The following WDR45B variants were observed in gnomAD, a reference collection of about 807,000 sequenced individuals.
The protein encoded by WDR45B is WD repeat domain 45B, also known as WD repeat domain phosphoinositide-interacting protein 3.
A neutral mutation model predicts 44.6 loss-of-function variants in WDR45B; 20 were observed. That is an observed-to-expected ratio of 0.45 (90% CI 0.32 to 0.65). WDR45B has a LOEUF of 0.65. Among genes scored for constraint, WDR45B ranks in the 30% least tolerant of loss-of-function variants. The pLI is 0.05. For missense variants in WDR45B, 323 were observed against 430.2 expected, an observed-to-expected ratio of 0.75 and a Z score of 2.20; for synonymous variants, 169 against 164.9, an observed-to-expected ratio of 1.02 and a Z score of -0.19.
At chr17:82,629,666 C>T in intron 3 of WDR45B, 1 of 985,420 alleles carries the variant, frequency 1.0e-6, no homozygotes, top group Non-Finnish European at 1.2e-6. Flanking sequence ...CAGGCAGGGC[C>T]AGTCCTCACC....
chr17:82,648,259 G>T lies in WDR45B; in HGVS notation c.67+15C>A. 6.2e-7 allele frequency: 1 copy of T among 1,602,718 alleles called. No individual in the cohort carries two copies. Among genetic ancestry groups the T allele is most frequent in the Non-Finnish European group, 8.5e-7 (1 of 1,176,462 alleles). ...AGGCCCGGCCGGGCAAGGCGACAGGGCCGCGCCTCCTCACCGTGGTCCTGG... is the reference window on the plus strand; with the variant it reads ...AGGCCCGGCCGGGCAAGGCGACAGGTCCGCGCCTCCTCACCGTGGTCCTGG... On this transcript the variant is annotated intron_variant, in intron 1 of 9. Transcript: ENST00000392325.
intron 2 of WDR45B, among the ~76,000 whole-genome samples, chr17:82,640,344 G>C (rs1380709941): frequency 6.6e-6 from 1 of 150,424 alleles, no homozygotes; most frequent in African/African-American, 2.5e-5. Context: ...TCTTCACTGG[G>C]ATTTTTTTCT....
chr17:82,633,162 CAA>C (rs57003725), intron 2 of WDR45B, among the ~76,000 whole-genome samples: 30,646 of 116,220 alleles, frequency 0.26, 3,470 homozygotes, highest in Middle Eastern at 0.36. Context: ...GACTCCATCT[CAA>C]AAAAAAAAAA....
chr17:82,617,450 G>C, intron 7 of WDR45B, 53 bp from the exon 8 acceptor site: 1 of 1,571,010 alleles, frequency 6.4e-7, no homozygotes, highest in Non-Finnish European at 8.7e-7. Context: ...GAGGAGTCCA[G>C]AGACTTAACC....
Position 82,615,527 on chromosome 17 carries a change from CTCAG to C in WDR45B, c.*388_*391del. The C allele has an allele frequency of 3.4e-6, 1 of 295,574 alleles. No individual in the cohort carries two copies. Among genetic ancestry groups the C allele is most frequent in the Non-Finnish European group, 6.6e-6 (1 of 151,044 alleles). 18.3% of individuals were successfully genotyped at this position (295,574 alleles called of 1,614,324 possible). A position where few individuals can be genotyped will look rare whatever the true frequency, so the allele number is the denominator to read the frequency against. On this transcript the variant is annotated 3_prime_UTR_variant, in exon 10 of 10. Coordinates refer to ENST00000392325, the MANE Select transcript of WDR45B (RefSeq NM_019613.4). ...CACTTGTTCACTCCCCCGCTGCAGA[CTCAG>C]TAAGAACGACGGAATCTGCTGCAAA...
In WDR45B at chr17:82,617,392, T is replaced by G. The variant is rs779566978; in HGVS notation, c.710A>C (p.Asn237Thr). ...GATGAGGGACGCATCCTGATTGAAG[T>G]TGATGCTGCAGAGAAAACCAGCACA... Reference protein sequence around the residue: ...GSQAANIYCINFNQDASLICV... With the variant: ...GSQAANIYCITFNQDASLICV... Residue 237 changes from asparagine to threonine, a missense_variant, in exon 8 of 10, where the codon AAC becomes ACC. By Grantham distance (65) the Asn-to-Thr change is moderately conservative (BLOSUM62 0). Transcript: ENST00000392325. The G allele has an allele frequency of 1.2e-6, 2 of 1,614,010 alleles. No individual in the cohort carries two copies. Among genetic ancestry groups the G allele is most frequent in the African/African-American group, 2.7e-5 (2 of 74,920 alleles).
At chr17:82,634,616 T>A (rs537838216) in intron 2 of WDR45B, among the ~76,000 whole-genome samples, 1 of 151,988 alleles carries the variant, frequency 6.6e-6, no homozygotes, top group Non-Finnish European at 1.5e-5. Context: ...AGCAGCATCA[T>A]TCACAATAGC....
At chr17:82,635,138 A>T (rs1040673401) in intron 2 of WDR45B, among the ~76,000 whole-genome samples, 1 of 151,970 alleles carries the variant, frequency 6.6e-6, no homozygotes, top group African/African-American at 2.4e-5. Flanking sequence ...AATGGTTAAG[A>T]TGGTAAATTT....
rs368076335 is a variant in WDR45B, at chr17:82,625,400, T to C, written c.416A>G (p.Tyr139Cys). ...PHQLHVFETC[Y>C]NPKGLCVLCP... Reference sequence around the variant, plus strand: ...GCTCAATCTCTCACCTTTGGGGTTATAGCAGGTTTCGAAGACGTGCAACTG... The same window carrying C: ...GCTCAATCTCTCACCTTTGGGGTTACAGCAGGTTTCGAAGACGTGCAACTG... Residue 139 changes from tyrosine (Y) to cysteine (C), a missense_variant, in exon 5 of 10, where the codon TAT becomes TGT. Tyr to Cys is a radical substitution (Grantham distance 194, BLOSUM62 -2). Coordinates refer to ENST00000392325, the MANE Select transcript of WDR45B (RefSeq NM_019613.4). 1.1e-5 allele frequency: 18 copies of C among 1,614,022 alleles called. No individual in the cohort carries two copies. The highest frequency in any genetic ancestry group is 3.3e-5 in the Admixed American group (2 of 60,002).
intron 3 of WDR45B, 28 bp downstream of exon 3, chr17:82,630,893 A>G (rs776286881): frequency 5.6e-6 from 9 of 1,599,078 alleles, no homozygotes; most frequent in African/African-American, 1.3e-5. Flanking sequence ...CACGTGAGGC[A>G]TGATTCTTCA....
Position 82,615,754 on chromosome 17 carries a change from G to A in WDR45B, c.*165C>T, listed in dbSNP as rs1466570940. 3.0e-6 allele frequency: 2 copies of A among 675,014 alleles called. No individual in the cohort carries two copies. The highest frequency in any genetic ancestry group is 2.3e-5 in the Admixed American group (1 of 42,896). 41.8% of individuals were successfully genotyped at this position (675,014 alleles called of 1,614,324 possible). A position where few individuals can be genotyped will look rare whatever the true frequency, so the allele number is the denominator to read the frequency against. Reference sequence around the variant, plus strand: ...TGATGATGATTCTCTCTTTAATACTGGAAATGGGAGTCCTTAGGAAAGCAG... The same window carrying A: ...TGATGATGATTCTCTCTTTAATACTAGAAATGGGAGTCCTTAGGAAAGCAG... On this transcript the variant is annotated 3_prime_UTR_variant, in exon 10 of 10. Transcript: ENST00000392325.
intron 2 of WDR45B, among the ~76,000 whole-genome samples, chr17:82,639,014 G>A (rs1047738467): frequency 1.6e-4 from 24 of 151,840 alleles, no homozygotes; most frequent in African/African-American, 5.6e-4. Flanking sequence ...GTAGAGATGG[G>A]GTTTCACCAT....
At chr17:82,616,713 G>C (rs1017075668) in intron 8 of WDR45B, 68 bp from the exon 9 acceptor site, 35 of 1,600,830 alleles carry the variant, frequency 2.2e-5, no homozygotes, top group Non-Finnish European at 2.9e-5. Flanking sequence ...CGTAAGCTCA[G>C]AATACGCTGC....
chr17:82,618,775 C>A (rs1239323124), intron 7 of WDR45B, among the ~76,000 whole-genome samples: 1 of 152,134 alleles, frequency 6.6e-6, no homozygotes, highest in Non-Finnish European at 1.5e-5. Flanking sequence ...AACCCACCAA[C>A]AACAAAAACC....
intron 2 of WDR45B, among the ~76,000 whole-genome samples, chr17:82,641,232 G>T (rs899666829): frequency 6.6e-6 from 1 of 152,152 alleles, no homozygotes; most frequent in African/African-American, 2.4e-5. Flanking sequence ...CTCCCAAAGT[G>T]CTGGGATTAC....
chr17:82,620,661 A>C (rs1031276365), intron 6 of WDR45B, among the ~76,000 whole-genome samples: 7 of 152,156 alleles, frequency 4.6e-5, no homozygotes, highest in African/African-American at 1.7e-4. Flanking sequence ...CCTCCTTAAC[A>C]ATTTATAATT....
chr17:82,632,558 AG>A (rs2045781200), intron 2 of WDR45B, among the ~76,000 whole-genome samples: 1 of 152,136 alleles, frequency 6.6e-6, no homozygotes, highest in Non-Finnish European at 1.5e-5. Context: ...ATGCTCTCTG[AG>A]GGGAGCAACA....
At chr17:82,641,893 G>T (rs116546538) in intron 2 of WDR45B, among the ~76,000 whole-genome samples, 4,161 of 151,690 alleles carry the variant, frequency 0.027, 186 homozygotes, top group African/African-American at 0.095. Flanking sequence ...GCGAGACAAC[G>T]TCAGAGATAG....
chr17:82,638,613 T>C (rs1246293847), intron 2 of WDR45B, among the ~76,000 whole-genome samples: 1 of 151,996 alleles, frequency 6.6e-6, no homozygotes, highest in African/African-American at 2.4e-5. Context: ...AATCACTTTA[T>C]ACAAATGAGT....
Sources: gnomAD v4.1 joint callset for allele counts (sites outside exome capture counted in the v4.1 genomes callset) on GRCh38, gnomAD v4.1.1 for gene constraint, MANE v1.5 for transcripts, NCBI Gene and HGNC (gene_info 2026-07-23, HGNC 2026-07-21) for gene names.